The following N4BP2L2 variants were observed in gnomAD, a reference collection of about 807,000 sequenced individuals.
N4BP2L2 encodes NEDD4 binding protein 2 like 2.
A neutral mutation model predicts 56.2 loss-of-function variants in N4BP2L2; 50 were observed. The ratio of observed to expected loss-of-function variants is 0.89; its 90% confidence interval spans 0.71 to 1.13. The LOEUF is 1.13. Among genes scored for constraint, N4BP2L2 ranks in the 50% most tolerant of loss-of-function variants. The probability of loss-of-function intolerance (pLI) is 0.00; values close to 1 mark genes in which losing one functional copy is unlikely to be tolerated. For synonymous variants in N4BP2L2, 203 were observed against 223.6 expected (o/e 0.91, Z 0.82); for missense variants, 689 against 693.8 (o/e 0.99, Z 0.08).
chr13:32,478,067 A>G (rs1183525733), intron 6 of N4BP2L2: 1 of 1,288,488 alleles, frequency 7.8e-7, no homozygotes, highest in African/African-American at 1.5e-5. Flanking sequence ...AAATTGTGAA[A>G]TATATTCAGG....
chr13:32,506,974 C>T (rs1456328891), downstream of N4BP2L2: 1 of 151,562 alleles, frequency 6.6e-6, no homozygotes, highest in Non-Finnish European at 1.5e-5. Context: ...TTCTAAGGTG[C>T]TAGTAATATC....
chr13:32,432,875 T>A (rs1416058107), exon 10 of N4BP2L2: 1 of 152,204 alleles, frequency 6.6e-6, no homozygotes, highest in Non-Finnish European at 1.5e-5. Context: ...ATCCAACGGG[T>A]ACGTCTCTGG....
chr13:32,452,419 C>T (rs918239909), intron 6 of N4BP2L2, among the ~76,000 whole-genome samples: 7 of 152,140 alleles, frequency 4.6e-5, no homozygotes, highest in Admixed American at 1.3e-4. Context: ...GGAAGTTACA[C>T]AAAAATGAGA....
chr13:32,475,975 T>C (rs897516454), intron 6 of N4BP2L2, among the ~76,000 whole-genome samples: 2 of 152,196 alleles, frequency 1.3e-5, no homozygotes, highest in Admixed American at 6.5e-5. Flanking sequence ...GGTGAAATAT[T>C]TCATGCAATT....
chr13:32,433,526 A>G (rs2075067471), intron 9 of N4BP2L2, among the ~76,000 whole-genome samples: 1 of 152,090 alleles, frequency 6.6e-6, no homozygotes, highest in Non-Finnish European at 1.5e-5. Context: ...CCAGCTATTC[A>G]GGAGGCTGAG....
chr13:32,443,975 G>A lies in N4BP2L2; in HGVS notation c.517C>T (p.Pro173Ser), dbSNP rs745447737. 3.1e-6 allele frequency: 5 copies of A among 1,606,324 alleles called. No individual in the cohort carries two copies. The South Asian group carries it at 5.6e-5, about 18-fold the overall frequency. ...ATGTCTTCCTCTTCACTCTGAGATGGGTCCTGATCTCCCGGTGTAAGATCA... is the reference window on the plus strand; with the variant it reads ...ATGTCTTCCTCTTCACTCTGAGATGAGTCCTGATCTCCCGGTGTAAGATCA... The change falls in exon 7 of 10, where the codon CCA (proline) becomes TCA (serine). Residue 173 changes from proline to serine, a missense_variant. Pro to Ser is a moderately conservative substitution (Grantham distance 74, BLOSUM62 -1). Coordinates refer to the N4BP2L2 transcript ENST00000357505.
At chr13:32,534,505 A>T (rs1188183870) in intron 2 of N4BP2L2, among the ~76,000 whole-genome samples, 11 of 152,106 alleles carry the variant, frequency 7.2e-5, no homozygotes. Flanking sequence ...TGTTTGTGAG[A>T]CCTCACTCCT....
intron 6 of N4BP2L2, among the ~76,000 whole-genome samples, chr13:32,448,789 G>A (rs908799664): frequency 1.3e-5 from 2 of 152,132 alleles, no homozygotes; most frequent in African/African-American, 4.8e-5. Context: ...ATGATAACGG[G>A]CAATAAATGA....
intron 2 of N4BP2L2, among the ~76,000 whole-genome samples, chr13:32,535,398 T>C (rs1252681469): frequency 6.6e-6 from 1 of 152,212 alleles, no homozygotes; most frequent in Admixed American, 6.5e-5. Context: ...TTAAAGCCCT[T>C]AGCAGAATCT....
intron 6 of N4BP2L2, chr13:32,504,789 C>T (rs1641676236): frequency 6.6e-6 from 1 of 152,210 alleles, no homozygotes; most frequent in South Asian, 2.1e-4. Flanking sequence ...AGGCAAAATT[C>T]TTCTCCAGCA....
chr13:32,537,095 A>C, intron 1 of N4BP2L2, 68 bp from the exon 2 acceptor site: 1 of 1,115,094 alleles, frequency 9.0e-7, no homozygotes, highest in Non-Finnish European at 1.2e-6. Context: ...TTTTCTTCAA[A>C]AACAAGAAAT....
chr13:32,501,707 C>T (rs2090039684), intron 6 of N4BP2L2, among the ~76,000 whole-genome samples: 1 of 151,752 alleles, frequency 6.6e-6, no homozygotes, highest in Non-Finnish European at 1.5e-5. Context: ...CTCAGCTACT[C>T]GGGAGGCTGA....
chr13:32,492,894 G>A (rs1035696189), intron 6 of N4BP2L2, among the ~76,000 whole-genome samples: 1 of 147,170 alleles, frequency 6.8e-6, no homozygotes, highest in African/African-American at 2.5e-5. Context: ...AACAAAATGT[G>A]TGAATGTTTT....
At chr13:32,522,083 C>A in intron 4 of N4BP2L2, 99 bp downstream of exon 4, 1 of 757,924 alleles carries the variant, frequency 1.3e-6, no homozygotes, top group South Asian at 1.7e-5. Context: ...AAACAAAGGA[C>A]AAATGTTTTA....
intron 6 of N4BP2L2, among the ~76,000 whole-genome samples, chr13:32,493,237 C>G (rs1173953979): frequency 6.6e-6 from 1 of 151,814 alleles, no homozygotes; most frequent in African/African-American, 2.4e-5. Context: ...TTTCTTTTTT[C>G]CTTTTTTAAG....
At chr13:32,458,459 T>A (rs1049088406) in intron 6 of N4BP2L2, among the ~76,000 whole-genome samples, 2 of 152,158 alleles carry the variant, frequency 1.3e-5, no homozygotes, top group Non-Finnish European at 2.9e-5. Context: ...AGGATGGAAA[T>A]AGACATTCCA....
intron 6 of N4BP2L2, among the ~76,000 whole-genome samples, chr13:32,495,227 TAA>T (rs1176458642): frequency 7.2e-5 from 11 of 152,204 alleles, no homozygotes; most frequent in Non-Finnish European, 2.9e-5. Context: ...CAAAGTTTGT[TAA>T]AATACTGAAA....
intron 6 of N4BP2L2, among the ~76,000 whole-genome samples, chr13:32,483,856 G>A (rs148402909): frequency 2.0e-5 from 3 of 151,940 alleles, no homozygotes; most frequent in South Asian, 2.1e-4. Flanking sequence ...AGTGGTGCAC[G>A]CCTGTTAATT....
intron 6 of N4BP2L2, among the ~76,000 whole-genome samples, chr13:32,493,769 G>A (rs1284925912): frequency 6.6e-6 from 1 of 152,222 alleles, no homozygotes; most frequent in African/African-American, 2.4e-5. Context: ...TTTCTGGGTA[G>A]CCAGTGTGGC....
Sources: gnomAD v4.1 joint callset for allele counts (sites outside exome capture counted in the v4.1 genomes callset) on GRCh38, gnomAD v4.1.1 for gene constraint, MANE v1.5 for transcripts, NCBI Gene and HGNC (gene_info 2026-07-23, HGNC 2026-07-21) for gene names.